Variants in POGZ observed in about 807,000 individuals in gnomAD.
POGZ encodes the protein pogo transposable element with ZNF domain.
POGZ carries 17 observed loss-of-function variants against 134.6 expected under a neutral mutation model. The ratio of observed to expected loss-of-function variants is 0.13; its 90% CI spans 0.09 to 0.19. The LOEUF (loss-of-function observed/expected upper bound fraction) is 0.19. Ranked by LOEUF, POGZ falls within the 10% of genes least tolerant of loss-of-function variation. The pLI is 1.00. For synonymous variants in POGZ, 693 were observed against 657.1 expected (o/e 1.05, Z -0.84); for missense variants, 1,306 against 1,769.7 (o/e 0.74, Z 4.70).
intron 10 of POGZ, among the ~76,000 whole-genome samples, chr1:151,419,024 CAAAA>C (rs71090164): frequency 1.9e-5 from 1 of 52,162 alleles, no homozygotes; most frequent in Non-Finnish European, 3.9e-5. Flanking sequence ...AGCTCTGTCT[CAAAA>C]AAAAAAAAAA....
chr1:151,444,758 G>A (rs1661031894), intron 1 of POGZ, among the ~76,000 whole-genome samples: 1 of 152,134 alleles, frequency 6.6e-6, no homozygotes, highest in Admixed American at 6.6e-5. Flanking sequence ...ATAAAGCAAT[G>A]AATTTTAATA....
chr1:151,419,024 C>CAAAAAAAAAAAAAAAAAA (rs71090164), intron 10 of POGZ, among the ~76,000 whole-genome samples: 10 of 52,148 alleles, frequency 1.9e-4, no homozygotes, highest in Non-Finnish European at 2.4e-4. Context: ...AGCTCTGTCT[C>CAAAAAAAAAAAAAAAAAA]AAAAAAAAAA....
chr1:151,411,165 A>G (rs1440818374), intron 12 of POGZ, among the ~76,000 whole-genome samples: 1 of 152,170 alleles, frequency 6.6e-6, no homozygotes, highest in Non-Finnish European at 1.5e-5. Context: ...AAGATCCTCC[A>G]TGATCTGTCC....
chr1:151,448,543 C>T (rs1370269567), intron 1 of POGZ, among the ~76,000 whole-genome samples: 1 of 152,118 alleles, frequency 6.6e-6, no homozygotes, highest in Non-Finnish European at 1.5e-5. Context: ...TTAGTTTAAT[C>T]AAGCCTTTTA....
In POGZ at chr1:151,430,819, T is replaced by C; in HGVS notation, c.306A>G (p.Gln102=). 1 of 1,573,504 alleles carries C rather than the reference T, an allele frequency of 6.4e-7. No homozygotes were observed. The highest frequency in any genetic ancestry group is 8.6e-7 in the Non-Finnish European group (1 of 1,165,242). ...GGGTCAGGATGAGTGGCTGTCCACCTTGCTGGACCAAAGGATTGCCAGCTA... is the reference window on the plus strand; with the variant it reads ...GGGTCAGGATGAGTGGCTGTCCACCCTGCTGGACCAAAGGATTGCCAGCTA... ...NNNAGNPLVQ[Q]GGQPLILTQN... The change falls in exon 4 of 19, where the codon CAA becomes CAG. Residue 102 remains glutamine (Q), a synonymous_variant. Coordinates refer to ENST00000271715, the MANE Select transcript of POGZ (RefSeq NM_015100.4).
intron 15 of POGZ, 40 bp downstream of exon 15, chr1:151,408,043 AGAAGAAAAAAAGAATCT>A (rs1242239562): frequency 2.2e-6 from 3 of 1,356,426 alleles, no homozygotes; most frequent in Non-Finnish European, 3.1e-6. Context: ...AAGAAGAAGA[AGAAGAAAAAAAGAATCT>A]GAACTCTCAA....
chr1:151,450,284 GGCCTC>G (rs1661886377), intron 1 of POGZ, among the ~76,000 whole-genome samples: 1 of 151,836 alleles, frequency 6.6e-6, no homozygotes, highest in African/African-American at 2.4e-5. Flanking sequence ...CACCTGCCTT[GGCCTC>G]CCCAAAGTGC....
intron 15 of POGZ, 71 bp downstream of exon 15, chr1:151,408,029 A>AG (rs1557871932): frequency 3.7e-6 from 1 of 269,538 alleles, no homozygotes; most frequent in Non-Finnish European, 5.2e-6. Flanking sequence ...AAAAAAAAAA[A>AG]AAGAAGAAGA....
Position 151,408,906 on chromosome 1 carries a change from G to A in POGZ, c.1927-78C>T, listed in dbSNP as rs185375292. Reference sequence around the variant, plus strand: ...AATTTTCTTTTTTGAGGAGAAAGCAGATCAATGTCAACCATATCATTCTTC... The same window carrying A: ...AATTTTCTTTTTTGAGGAGAAAGCAAATCAATGTCAACCATATCATTCTTC... On this transcript the variant is annotated intron_variant, in intron 12 of 18. Coordinates refer to ENST00000271715, the MANE Select transcript of POGZ (RefSeq NM_015100.4). The A allele has an allele frequency of 9.7e-6, 12 of 1,239,764 alleles. No homozygotes were observed. In the Admixed American group the frequency reaches 1.8e-4, roughly 19 times the overall value. The allele number at this position is 1,239,764 out of a possible 1,614,324, so 76.8% of individuals were successfully genotyped here.
chr1:151,457,763 C>T (rs530112883), intron 1 of POGZ, among the ~76,000 whole-genome samples: 5 of 152,078 alleles, frequency 3.3e-5, no homozygotes, highest in African/African-American at 4.8e-5. Context: ...CTCGTCCCTA[C>T]TAAAAATACA....
In POGZ at chr1:151,430,904, CTTTATTTTAT is replaced by C. The variant is rs60227751; in HGVS notation, c.284-73_284-64del. The C allele has an allele frequency of 0.08, 34,066 of 423,810 alleles. 2,214 individuals are homozygous for C. Among genetic ancestry groups the C allele is most frequent in the East Asian group, 0.3 (4,059 of 13,624 alleles). The allele number at this position is 423,810 out of a possible 1,614,324, so 26.3% of individuals were successfully genotyped here. On this transcript the variant is annotated intron_variant, in intron 3 of 18. Transcript: ENST00000271715. ...GAAACAATGTTAAACCCACATTTTA[CTTTATTTTAT>C]TTTATTTTATTTTATTTTATTTTAT...
chr1:151,451,538 C>T (rs919931074), intron 1 of POGZ, among the ~76,000 whole-genome samples: 1 of 151,540 alleles, frequency 6.6e-6, no homozygotes, highest in African/African-American at 2.4e-5. Context: ...GTTGGTCAGG[C>T]TGGTCTTCAA....
chr1:151,456,762 G>A lies in POGZ; in HGVS notation c.-2+2390C>T, dbSNP rs147718329. On this transcript the variant is annotated intron_variant, in intron 1 of 18. Coordinates refer to ENST00000271715, the MANE Select transcript of POGZ (RefSeq NM_015100.4). ...GAGGTCCGGAGTTCGAGACCAGCCT[G>A]GCCAACATGGCGAAACACTGTCTCT... Among the ~76,000 whole-genome samples, 79 of 152,314 alleles carry A rather than the reference G, an allele frequency of 5.2e-4. 3 individuals carry two copies. Among genetic ancestry groups the A allele is most frequent in the East Asian group, 3.7e-3 (19 of 5,182 alleles).
At chr1:151,456,031 C>T (rs1662732461) in intron 1 of POGZ, among the ~76,000 whole-genome samples, 1 of 151,728 alleles carries the variant, frequency 6.6e-6, no homozygotes, top group African/African-American at 2.4e-5. Context: ...GAGTGAGCCA[C>T]CACGCTAGGC....
intron 12 of POGZ, 32 bp downstream of exon 12, chr1:151,411,593 A>C: frequency 2.0e-6 from 3 of 1,501,436 alleles, no homozygotes; most frequent in African/African-American, 1.4e-5. Context: ...AAAAAAAACA[A>C]GAGAATATGG....
In POGZ at chr1:151,425,060, C is replaced by A; in HGVS notation, c.1080G>T (p.Val360=). Residue 360 remains valine (V), a splice_region_variant and synonymous_variant, in exon 8 of 19, where the codon GTG becomes GTT. Transcript: ENST00000271715. The part of the protein sequence containing the change: ...RTSGPESSMK[V]TSSIPVFDLQ... Reference sequence around the variant, plus strand: ...GGTCAAATACTGGGATGGAAGAGGTCACTGAAAGAAGTGAGAAGAATTGAT... The same window carrying A: ...GGTCAAATACTGGGATGGAAGAGGTAACTGAAAGAAGTGAGAAGAATTGAT... 6.7e-7 allele frequency: 1 copy of A among 1,493,450 alleles called. No individual in the cohort carries two copies. Among genetic ancestry groups the A allele is most frequent in the South Asian group, 1.2e-5 (1 of 85,722 alleles). The allele number at this position is 1,493,450 out of a possible 1,614,324, so 92.5% of individuals were successfully genotyped here.
intron 2 of POGZ, among the ~76,000 whole-genome samples, chr1:151,441,815 TAAG>T (rs1660582125): frequency 6.6e-6 from 1 of 152,212 alleles, no homozygotes; most frequent in Non-Finnish European, 1.5e-5. Context: ...CATCTTTTAG[TAAG>T]AAGACTGCTA....
chr1:151,409,164 C>T (rs1654198905), intron 12 of POGZ, among the ~76,000 whole-genome samples: 2 of 151,742 alleles, frequency 1.3e-5, no homozygotes, highest in South Asian at 4.1e-4. Context: ...TTCTTCTGGA[C>T]ATTCTTCATT....
In POGZ at chr1:151,406,303, G is replaced by A. The variant is rs1179602407; in HGVS notation, c.2732C>T (p.Pro911Leu). ...TGGTGGTGGGGTTGCAGTTGAGGCT[G>A]GTGATGGGAGTGCTGGGGCTAAGGG... ...LTPLAPALPS[P>L]ASTATPPPTP... The change falls in exon 19 of 19, where the codon CCA becomes CTA. Residue 911 changes from proline (P) to leucine (L), a missense_variant. By Grantham distance (98) the Pro-to-Leu change is moderately conservative. Around this residue, in one of 10 missense-constraint regions of POGZ, gnomAD observed 214 missense variants for 255.5 expected, o/e 0.84. Coordinates refer to ENST00000271715, the MANE Select transcript of POGZ (RefSeq NM_015100.4). 1 of 1,610,962 alleles carries A rather than the reference G, an allele frequency of 6.2e-7. No homozygotes were observed. Among genetic ancestry groups the A allele is most frequent in the Non-Finnish European group, 8.5e-7 (1 of 1,178,178 alleles).
Sources: allele counts gnomAD v4.1 joint callset (sites outside exome capture counted in the v4.1 genomes callset), GRCh38; gene constraint gnomAD v4.1.1; regional missense constraint gnomAD v4.1.1; transcripts MANE v1.5; gene names NCBI Gene and HGNC (gene_info 2026-07-23, HGNC 2026-07-21).